Variants in LCORL observed in about 807,000 individuals in gnomAD.
LCORL encodes ligand dependent nuclear receptor corepressor like.
LCORL carries 41 observed loss-of-function variants against 141.8 expected under a neutral mutation model. That is an observed-to-expected ratio of 0.29 (90% CI 0.23 to 0.38). The LOEUF (loss-of-function observed/expected upper bound fraction) is 0.38. LCORL is among the 10% of genes least tolerant of loss of function. LCORL has a pLI of 1.00. For missense variants in LCORL, 1,759 were observed against 2,035.0 expected (o/e 0.86, Z 2.61); for synonymous variants, 618 against 694.1 (o/e 0.89, Z 1.72).
At chr4:17,965,290 AT>A (rs1490282396) in intron 2 of LCORL, among the ~76,000 whole-genome samples, 1 of 152,112 alleles carries the variant, frequency 6.6e-6, no homozygotes, top group Non-Finnish European at 1.5e-5. Context: ...GGTGGGATAC[AT>A]TTTTCTACAT....
intron 1 of LCORL, among the ~76,000 whole-genome samples, chr4:18,016,485 T>C (rs898303360): frequency 6.6e-6 from 1 of 152,152 alleles, no homozygotes; most frequent in African/African-American, 2.4e-5. Flanking sequence ...ATCATGGTAA[T>C]CAAGAGTTGG....
At chr4:17,942,487 A>AT (rs1738134065) in intron 4 of LCORL, among the ~76,000 whole-genome samples, 1 of 152,208 alleles carries the variant, frequency 6.6e-6, no homozygotes, top group Non-Finnish European at 1.5e-5. Context: ...TTCAAATAGC[A>AT]TAAGACTGTA....
At position 17,877,852 on chromosome 4, in the gene LCORL, G is replaced by A. The variant is rs1727084191; in HGVS notation, c.1138C>T (p.His380Tyr). The A allele has an allele frequency of 5.7e-6, 7 of 1,230,690 alleles. No homozygotes were observed. The East Asian group carries it at 2.2e-4, about 39-fold the overall frequency. The allele number at this position is 1,230,690 out of a possible 1,614,324, so 76.2% of individuals were successfully genotyped here. The stretch of plus-strand genomic sequence containing the variant: ...CCTCTATTCACTACTGGCTTAACGT[G>A]TTCAACAGTTACAGTTTGGCAAGAT... The change falls in exon 7 of 8, where the codon CAC becomes TAC. Residue 380 changes from histidine (H) to tyrosine (Y), a missense_variant. Coordinates refer to ENST00000635767, the Ensembl canonical transcript of LCORL.
At chr4:17,995,063 C>T (rs560998166) in intron 1 of LCORL, among the ~76,000 whole-genome samples, 2 of 152,266 alleles carry the variant, frequency 1.3e-5, no homozygotes, top group Non-Finnish European at 2.9e-5. Flanking sequence ...CATCAGGTAG[C>T]TTTCTGAAAT....
At chr4:17,954,814 C>T (rs1236925551) in intron 4 of LCORL, among the ~76,000 whole-genome samples, 1 of 152,066 alleles carries the variant, frequency 6.6e-6, no homozygotes, top group South Asian at 2.1e-4. Context: ...AACTGAGTCA[C>T]GAGTGATACC....
chr4:18,009,481 A>T (rs1723334528), intron 1 of LCORL, among the ~76,000 whole-genome samples: 1 of 151,862 alleles, frequency 6.6e-6, no homozygotes, highest in Non-Finnish European at 1.5e-5. Context: ...GAAATCCCAT[A>T]TTGTACCGAG....
At chr4:17,981,485 G>A (rs538769428) in intron 1 of LCORL, among the ~76,000 whole-genome samples, 4 of 152,140 alleles carry the variant, frequency 2.6e-5, no homozygotes, top group East Asian at 3.9e-4. Context: ...AGCCAGACAC[G>A]GTGGCTCACG....
At chr4:17,977,151 A>G (rs965767210) in intron 1 of LCORL, among the ~76,000 whole-genome samples, 10 of 152,276 alleles carry the variant, frequency 6.6e-5, no homozygotes, top group African/African-American at 2.2e-4. Flanking sequence ...GTTGCTGGTT[A>G]TCACCAGTTT....
intron 7 of LCORL, among the ~76,000 whole-genome samples, chr4:17,866,486 A>G (rs1277456952): frequency 2.0e-5 from 3 of 152,234 alleles, no homozygotes; most frequent in East Asian, 3.8e-4. Flanking sequence ...ACTTTTGAAT[A>G]AATAAAAAGA....
chr4:17,891,535 T>C (rs759951892), intron 5 of LCORL, among the ~76,000 whole-genome samples: 8 of 152,184 alleles, frequency 5.3e-5, no homozygotes, highest in Non-Finnish European at 8.8e-5. Flanking sequence ...ACATAAATTA[T>C]GGTCCCTTCA....
chr4:17,929,263 T>C (rs958061663), intron 4 of LCORL, among the ~76,000 whole-genome samples: 14 of 152,178 alleles, frequency 9.2e-5, no homozygotes, highest in African/African-American at 3.4e-4. Context: ...GGTAGTTTTA[T>C]AGAAACTGGC....
chr4:17,871,720 TAAA>T (rs537050669), intron 7 of LCORL, among the ~76,000 whole-genome samples: 4 of 148,360 alleles, frequency 2.7e-5, no homozygotes, highest in African/African-American at 9.9e-5. Flanking sequence ...TGAATTATAA[TAAA>T]AAAAAAACCA....
chr4:17,996,272 T>G lies in LCORL; in HGVS notation c.155-23387A>C, dbSNP rs116422559. Among the ~76,000 whole-genome samples the G allele has an allele frequency of 7.6e-3, 1,159 of 152,192 alleles. 18 individuals are homozygous for G. The highest frequency in any genetic ancestry group is 0.027 in the African/African-American group (1,120 of 41,566). ...ACTAGAATTTTTATATTTATAGCAC[T>G]GATATGTATCATTTTATGCAAATGT... On this transcript the variant is annotated intron_variant, in intron 1 of 7. Coordinates refer to ENST00000635767, the Ensembl canonical transcript of LCORL.
intron 1 of LCORL, among the ~76,000 whole-genome samples, chr4:17,980,330 T>A (rs1300841224): frequency 6.6e-6 from 1 of 152,220 alleles, no homozygotes; most frequent in Non-Finnish European, 1.5e-5. Context: ...GCTCTGATCA[T>A]CACCAAAGCA....
At chr4:17,938,702 C>G (rs578126263) in intron 4 of LCORL, among the ~76,000 whole-genome samples, 3 of 151,970 alleles carry the variant, frequency 2.0e-5, no homozygotes, top group Non-Finnish European at 4.4e-5. Context: ...TGTGAGCCAC[C>G]GCGCCCGGCC....
chr4:17,977,046 G>A (rs1717112921), intron 1 of LCORL, among the ~76,000 whole-genome samples: 1 of 152,058 alleles, frequency 6.6e-6, no homozygotes, highest in Non-Finnish European at 1.5e-5. Context: ...CTATTTTCTA[G>A]ACTTTCATGA....
intron 4 of LCORL, chr4:17,913,036 C>CA (rs1041812142): frequency 6.1e-5 from 14 of 229,300 alleles, no homozygotes; most frequent in South Asian, 1.4e-4. Flanking sequence ...GTTCAGGGGT[C>CA]AAAAAAAATG....
intron 5 of LCORL, among the ~76,000 whole-genome samples, chr4:17,892,996 C>T (rs1201201163): frequency 6.6e-6 from 1 of 152,170 alleles, no homozygotes; most frequent in Non-Finnish European, 1.5e-5. Flanking sequence ...GCATTTGAGA[C>T]TCCTTGTTAT....
At chr4:17,962,028 C>T (rs764985312) in exon 4 of LCORL, 3 of 1,594,008 alleles carry the variant, frequency 1.9e-6, no homozygotes, top group African/African-American at 2.7e-5. Context: ...AGATGGTATA[C>T]AATCCTAAAA....
Sources: allele counts gnomAD v4.1 joint callset (sites outside exome capture counted in the v4.1 genomes callset), GRCh38; gene constraint gnomAD v4.1.1; transcripts MANE v1.5; gene names NCBI Gene and HGNC (gene_info 2026-07-23, HGNC 2026-07-21).